TRIM28: variants seen among roughly 807,000 people sequenced by gnomAD.
TRIM28 encodes transcription intermediary factor 1-beta.
In TRIM28, 8 loss-of-function variants were observed where a neutral mutation model predicts 87.4. The observed-to-expected ratio is 0.09, with a 90% CI of 0.05 to 0.17. The LOEUF (loss-of-function observed/expected upper bound fraction) is 0.17. Ranked by LOEUF, TRIM28 falls within the 10% of genes least tolerant of loss-of-function variation. TRIM28 has a pLI of 1.00. For synonymous variants in TRIM28, 601 were observed against 454.3 expected (o/e 1.32, Z -4.11); for missense variants, 968 against 1,131.8 (o/e 0.86, Z 2.08).
intron 3 of TRIM28, 106 bp downstream of exon 3, chr19:58,546,002 G>A: frequency 7.1e-7 from 1 of 1,407,478 alleles, no homozygotes; most frequent in Non-Finnish European, 9.4e-7. Flanking sequence ...AGTTCTCTAG[G>A]GGGTGCCGCC....
Position 58,547,778 on chromosome 19 carries a change from G to T in TRIM28, c.840-14G>T. 1 of 1,614,020 alleles carries T rather than the reference G, an allele frequency of 6.2e-7. No individual in the cohort carries two copies. On this transcript the variant is annotated splice_polypyrimidine_tract_variant and intron_variant, in intron 5 of 16. Transcript: ENST00000253024. ...AGCAAGACCCTACCTAGCCTGACCTGCTGTGTCCCCTAGAATCCGCCAGGT... is the reference window on the plus strand; with the variant it reads ...AGCAAGACCCTACCTAGCCTGACCTTCTGTGTCCCCTAGAATCCGCCAGGT...
rs138110192 is a variant in TRIM28 at position 58,549,012 on chromosome 19, G to A, written c.1434G>A (p.Val478=). 1.1e-5 allele frequency: 18 copies of A among 1,613,980 alleles called. No individual in the cohort carries two copies. Among genetic ancestry groups the A allele is most frequent in the Non-Finnish European group, 1.4e-5 (17 of 1,180,010 alleles). The part of the protein sequence containing the change: ...VKRSRSGEGE[V]SGLMRKVPRV... The stretch of plus-strand genomic sequence containing the variant: ...GGTCCCGCTCAGGTGAGGGCGAGGT[G>A]AGCGGCCTTATGCGCAAGGTGCCAC... The change falls in exon 12 of 17, where the codon GTG becomes GTA. Residue 478 remains valine, a synonymous_variant. Transcript: ENST00000253024. This position sits in a 1 kb window ranked among gnomAD's most constrained non-coding sequence, Gnocchi z 4.4.
Position 58,549,639 on chromosome 19 carries a change from G to C in TRIM28, c.1971G>C (p.Gln657His). 1 of 1,612,048 alleles carries C rather than the reference G, an allele frequency of 6.2e-7. No individual in the cohort carries two copies. The highest frequency in any genetic ancestry group is 8.5e-7 in the Non-Finnish European group (1 of 1,178,484). The stretch of plus-strand genomic sequence containing the variant: ...TGGACTGTCACCTGCCGGCCCTGCA[G>C]GATGTACCAGGGTGAGTGTGAGGCT... The part of the protein sequence containing the change: ...FHLDCHLPAL[Q>H]DVPGEEWSCS... Residue 657 changes from glutamine (Q) to histidine (H), a missense_variant, in exon 13 of 17, where the codon CAG becomes CAC. Gln to His is a conservative substitution (Grantham distance 24, BLOSUM62 0). Coordinates refer to ENST00000253024, the MANE Select transcript of TRIM28 (RefSeq NM_005762.3). This position sits in a 1 kb window ranked among gnomAD's most constrained non-coding sequence, Gnocchi z 4.4.
chr19:58,546,356 G>T (rs2053761232), intron 3 of TRIM28, among the ~76,000 whole-genome samples: 1 of 152,198 alleles, frequency 6.6e-6, no homozygotes, highest in African/African-American at 2.4e-5. Flanking sequence ...AGTTGGCAGA[G>T]ACTTACCCAA....
In TRIM28 at chr19:58,544,778, AGCCTCGGCAGCAGCG is replaced by A; in HGVS notation, c.30_44del (p.Ala12_Ala16del). ...TGTGAATGGCGGCCTCCGCGGCGGC[AGCCTCGGCAGCAGCG>A]GCCTCGGCCGCCTCTGGCAGCCCGG... On this transcript the variant is annotated inframe_deletion, in exon 1 of 17. Coordinates refer to ENST00000253024, the MANE Select transcript of TRIM28 (RefSeq NM_005762.3). The A allele has an allele frequency of 8.6e-7, 1 of 1,160,422 alleles. No individual in the cohort carries two copies. Among genetic ancestry groups the A allele is most frequent in the Non-Finnish European group, 1.1e-6 (1 of 943,772 alleles). 71.9% of individuals were successfully genotyped at this position (1,160,422 alleles called of 1,614,324 possible). A position where few individuals can be genotyped will look rare whatever the true frequency, so the allele number is the denominator to read the frequency against.
At chr19:58,548,259 G>C (rs188077654) in intron 7 of TRIM28, 35 bp from the exon 8 acceptor site, 11 of 1,613,932 alleles carry the variant, frequency 6.8e-6, no homozygotes, top group Non-Finnish European at 9.3e-6. Flanking sequence ...TGTTGTTGGT[G>C]TGCTCATTCT....
At position 58,549,834 on chromosome 19, in the gene TRIM28, G is replaced by T; in HGVS notation, c.2080G>T (p.Ala694Ser). 1.2e-6 allele frequency: 2 copies of T among 1,612,386 alleles called. No homozygotes were observed. Among genetic ancestry groups the T allele is most frequent in the Non-Finnish European group, 1.7e-6 (2 of 1,178,550 alleles). ...TGGTGCAGACAGCACTGGCGTGGTG[G>T]CCAAGCTCTCACCAGCCAACCAGCG... ...LDGADSTGVV[A>S]KLSPANQRKC... The change falls in exon 14 of 17, where the codon GCC becomes TCC. Residue 694 changes from alanine to serine, a missense_variant. Ala to Ser is a moderately conservative substitution (Grantham distance 99). This residue lies in a region of TRIM28 where 192 missense variants were observed against 225.6 expected (regional missense o/e 0.85). Coordinates refer to ENST00000253024, the MANE Select transcript of TRIM28 (RefSeq NM_005762.3). This position sits in a 1 kb window ranked among gnomAD's most constrained non-coding sequence, Gnocchi z 4.4.
chr19:58,545,393 G>C (rs773226200), intron 1 of TRIM28, 32 bp from the exon 2 acceptor site: 4 of 1,563,314 alleles, frequency 2.6e-6, no homozygotes, highest in Non-Finnish European at 3.5e-6. Flanking sequence ...GTGGGAACTT[G>C]TAACAGTCTC....
chr19:58,547,846 C>T lies in TRIM28; in HGVS notation c.894C>T (p.Ala298=), dbSNP rs2053774938. ...GTGTGCAAGTGGATGTCAAGATGGC[C>T]ATCCTGCAGATCATGAAGGAGCTGA... The part of the protein sequence containing the change: ...QKRVQVDVKM[A]ILQIMKELNK... Residue 298 remains alanine (A), a synonymous_variant, in exon 6 of 17, where the codon GCC becomes GCT. Coordinates refer to ENST00000253024, the MANE Select transcript of TRIM28 (RefSeq NM_005762.3). 1 of 1,614,160 alleles carries T rather than the reference C, an allele frequency of 6.2e-7. No individual in the cohort carries two copies. The highest frequency in any genetic ancestry group is 8.5e-7 in the Non-Finnish European group (1 of 1,180,038).
chr19:58,547,585 G>C lies in TRIM28; in HGVS notation c.723-12G>C. 1.2e-6 allele frequency: 2 copies of C among 1,613,958 alleles called. No individual in the cohort carries two copies. The highest frequency in any genetic ancestry group is 2.2e-5 in the South Asian group (2 of 91,084). On this transcript the variant is annotated splice_polypyrimidine_tract_variant and intron_variant, in intron 4 of 16. Transcript: ENST00000253024. ...TAGCTTAGTGCTCAGGAACACATCT[G>C]TCTGCTCTCAGGTACCAGTTCTTAG...
Position 58,548,329 on chromosome 19 carries a change from T to C in TRIM28, c.1137T>C (p.Ile379=). Residue 379 remains isoleucine (I), a synonymous_variant, in exon 8 of 17, where the codon ATT becomes ATC. Transcript: ENST00000253024. ...YFQLHRALKM[I]VDPVEPHGEM... is the part of the protein sequence containing the mutation. ...AGCTGCACCGGGCCCTCAAGATGAT[T>C]GTGGATCCCGTGGAGCCACATGGCG... 2.5e-6 allele frequency: 4 copies of C among 1,614,050 alleles called. No homozygotes were observed. The East Asian group carries it at 6.7e-5, about 27-fold the overall frequency.
chr19:58,549,044 G>A lies in TRIM28; in HGVS notation c.1466G>A (p.Ser489Asn). 1 of 1,614,084 alleles carries A rather than the reference G, an allele frequency of 6.2e-7. No individual in the cohort carries two copies. The highest frequency in any genetic ancestry group is 8.5e-7 in the Non-Finnish European group (1 of 1,179,998). Residue 489 changes from serine to asparagine, a missense_variant, in exon 12 of 17, where the codon AGC becomes AAC. Physicochemically the swap from Ser to Asn is conservative, Grantham distance 46. Around this residue, in one of 11 missense-constraint regions of TRIM28, gnomAD observed 23 missense variants for 56.7 expected, o/e 0.41. Coordinates refer to ENST00000253024, the MANE Select transcript of TRIM28 (RefSeq NM_005762.3). This position sits in a 1 kb window ranked among gnomAD's most constrained non-coding sequence, Gnocchi z 4.4. ...SGLMRKVPRV[S>N]LERLDLDLTA... is the part of the protein sequence containing the mutation. The stretch of plus-strand genomic sequence containing the variant: ...CTTATGCGCAAGGTGCCACGAGTGA[G>A]CCTTGAACGCCTGGACCTGGACCTC...
chr19:58,546,688 C>T (rs1489595181), intron 3 of TRIM28, among the ~76,000 whole-genome samples: 2 of 152,116 alleles, frequency 1.3e-5, no homozygotes, highest in Non-Finnish European at 2.9e-5. Flanking sequence ...AGCCCTGATG[C>T]TACATATTTT....
Position 58,548,909 on chromosome 19 carries a change from C to T in TRIM28, c.1408C>T (p.Arg470Trp). Residue 470 changes from arginine (R) to tryptophan (W), a missense_variant and splice_region_variant, in exon 11 of 17, where the codon CGG becomes TGG. Transcript: ENST00000253024. The stretch of plus-strand genomic sequence containing the variant: ...AGAGCCCCATGTGTCAGGTGTGAAA[C>T]GGTAAGTATGGCACCTCCCCTGGGG... ...SAEPHVSGVK[R>W]SRSGEGEVSG... The T allele has an allele frequency of 1.2e-6, 2 of 1,614,002 alleles. No homozygotes were observed. The highest frequency in any genetic ancestry group is 1.7e-6 in the Non-Finnish European group (2 of 1,179,992).
intron 3 of TRIM28, among the ~76,000 whole-genome samples, chr19:58,546,848 G>T (rs2122626628): frequency 6.6e-6 from 1 of 152,252 alleles, no homozygotes; most frequent in South Asian, 2.1e-4. Context: ...CATTCTGAGG[G>T]TCCTGGTTTG....
At position 58,549,755 on chromosome 19, in the gene TRIM28, A is replaced by T. The variant is rs750375731; in HGVS notation, c.2001A>T (p.Ser667=). 1 of 1,609,840 alleles carries T rather than the reference A, an allele frequency of 6.2e-7. No individual in the cohort carries two copies. The change falls in exon 14 of 17, where the codon TCA becomes TCT. Residue 667 remains serine (S), a synonymous_variant. Transcript: ENST00000253024. The surrounding 1 kb of genome is among the most constrained non-coding windows in gnomAD (Gnocchi z 4.4). ...QDVPGEEWSC[S]LCHVLPDLKE... is the part of the protein sequence containing the mutation. ...ACCCTAGGGAGGAGTGGAGCTGCTC[A>T]CTCTGCCATGTGCTCCCTGACCTGA... is the stretch of plus-strand genomic sequence containing the variant.
chr19:58,550,236 T>C lies in TRIM28; in HGVS notation c.2283T>C (p.Phe761=), dbSNP rs772888903. The change falls in exon 16 of 17, where the codon TTT becomes TTC. Residue 761 remains phenylalanine, a synonymous_variant. Coordinates refer to ENST00000253024, the MANE Select transcript of TRIM28 (RefSeq NM_005762.3). ...LSPPYSSPQE[F]AQDVGRMFKQ... ...CTCCCTACAGCTCCCCACAGGAGTT[T>C]GCCCAGGATGTGGGCCGCATGTTCA... The C allele has an allele frequency of 3.9e-5, 63 of 1,613,998 alleles. No individual in the cohort carries two copies. Among genetic ancestry groups the C allele is most frequent in the Admixed American group, 3.5e-4 (21 of 59,988 alleles).
chr19:58,547,521 A>G lies in TRIM28; in HGVS notation c.722+10A>G. 1 of 1,613,980 alleles carries G rather than the reference A, an allele frequency of 6.2e-7. No homozygotes were observed. Among genetic ancestry groups the G allele is most frequent in the Non-Finnish European group, 8.5e-7 (1 of 1,179,940 alleles). Reference sequence around the variant, plus strand: ...CCCACAAGGACCACCAGTGAGTCCCAAGGCATAGTGGTTGGGTGGGTGGGT... The same window carrying G: ...CCCACAAGGACCACCAGTGAGTCCCGAGGCATAGTGGTTGGGTGGGTGGGT... On this transcript the variant is annotated intron_variant, in intron 4 of 16. Coordinates refer to ENST00000253024, the MANE Select transcript of TRIM28 (RefSeq NM_005762.3).
intron 3 of TRIM28, among the ~76,000 whole-genome samples, chr19:58,546,736 G>C (rs1163589866): frequency 6.6e-6 from 1 of 152,192 alleles, no homozygotes; most frequent in African/African-American, 2.4e-5. Flanking sequence ...TGTTTGATCA[G>C]TTTTCTAATG....
Sources: allele counts gnomAD v4.1 joint callset (sites outside exome capture counted in the v4.1 genomes callset), GRCh38; gene constraint gnomAD v4.1.1; regional missense constraint gnomAD v4.1.1; non-coding constraint Gnocchi (gnomAD v3.1); transcripts MANE v1.5; gene names NCBI Gene and HGNC (gene_info 2026-07-23, HGNC 2026-07-21).